The following NFX1 variants were observed in gnomAD, a reference collection of about 807,000 sequenced individuals.
NFX1 encodes the protein transcriptional repressor NF-X1.
Under a neutral mutation model 137.2 loss-of-function variants are expected in NFX1, and 69 were observed. The observed-to-expected ratio is 0.50, with a 90% CI of 0.41 to 0.61. NFX1 has a LOEUF of 0.61. Ranked by LOEUF, NFX1 falls within the 20% of genes least tolerant of loss-of-function variation. The probability of loss-of-function intolerance (pLI) is 0.00; values close to 1 mark genes in which losing one functional copy is unlikely to be tolerated. For missense variants in NFX1, 1,167 were observed against 1,391.0 expected (o/e 0.84, Z 2.56); for synonymous variants, 495 against 474.1 (o/e 1.04, Z -0.57).
Position 33,332,486 on chromosome 9 carries a change from C to T in NFX1, c.2019C>T (p.Thr673=). 6.3e-7 allele frequency: 1 copy of T among 1,586,412 alleles called. No individual in the cohort carries two copies. The highest frequency in any genetic ancestry group is 8.6e-7 in the Non-Finnish European group (1 of 1,163,398). Residue 673 remains threonine (T), a synonymous_variant, in exon 11 of 24, where the codon ACC becomes ACT. Transcript: ENST00000379540. Reference sequence around the variant, plus strand: ...TTTTTCCATAGGAGCTTCCATGTACCAGTCTCAAAAGTGAAGGTATGACTG... The same window carrying T: ...TTTTTCCATAGGAGCTTCCATGTACTAGTCTCAAAAGTGAAGGTATGACTG... The part of the protein sequence containing the change: ...CSFRTKELPC[T]SLKSEDATFM...
At chr9:33,320,855 A>T (rs1178142926) in intron 9 of NFX1, among the ~76,000 whole-genome samples, 1 of 152,214 alleles carries the variant, frequency 6.6e-6, no homozygotes, top group Non-Finnish European at 1.5e-5. Flanking sequence ...GAGAGAGTTC[A>T]CATTTCTTTC....
chr9:33,364,748 G>A lies in NFX1; in HGVS notation c.3013G>A (p.Glu1005Lys), dbSNP rs1564151927. The change falls in exon 21 of 24, where the codon GAA (glutamate) becomes AAA (lysine). Residue 1005 changes from glutamate (E) to lysine (K), a missense_variant. Transcript: ENST00000379540. ...TGTCAGTGACGTTGAGAAGGAAATG[G>A]AAACCCTCGTGGAGGCCGTGAATAA... ...KFVSDVEKEM[E>K]TLVEAVNKGK... is the part of the protein sequence containing the mutation. 1.9e-6 allele frequency: 3 copies of A among 1,613,834 alleles called. No homozygotes were observed. Among genetic ancestry groups the A allele is most frequent in the Non-Finnish European group, 2.5e-6 (3 of 1,179,926 alleles).
intron 6 of NFX1, among the ~76,000 whole-genome samples, chr9:33,313,317 G>A (rs1416096670): frequency 6.6e-6 from 1 of 151,972 alleles, no homozygotes; most frequent in Non-Finnish European, 1.5e-5. Flanking sequence ...GGCCGGGCGT[G>A]GTGGCTCAAG....
rs139574808 is a variant in NFX1 at position 33,319,104 on chromosome 9, A to G, written c.1883A>G (p.Lys628Arg). The change falls in exon 9 of 24, where the codon AAG becomes AGG. Residue 628 changes from lysine to arginine, a missense_variant. Lys to Arg is a conservative substitution (Grantham distance 26, BLOSUM62 2). Around this residue, in one of 3 missense-constraint regions of NFX1, gnomAD observed 488 missense variants for 691.5 expected, o/e 0.71. Coordinates refer to ENST00000379540, the MANE Select transcript of NFX1 (RefSeq NM_002504.6). The part of the protein sequence containing the change: ...PVPSCGKVCG[K>R]PLPCGSLDFI... ...CCTTCATGTGGAAAAGTGTGCGGCA[A>G]GCCTCTGCCTTGTGGTTCCTTAGGT... 3.1e-6 allele frequency: 5 copies of G among 1,614,258 alleles called. No homozygotes were observed. In the Admixed American group the frequency reaches 6.7e-5, roughly 22 times the overall value.
chr9:33,305,179 A>G (rs1190097993), intron 4 of NFX1, among the ~76,000 whole-genome samples: 1 of 152,240 alleles, frequency 6.6e-6, no homozygotes, highest in African/African-American at 2.4e-5. Context: ...AAGAGTTAAA[A>G]CACAATTAGC....
At chr9:33,317,077 C>T (rs1205388583) in intron 7 of NFX1, among the ~76,000 whole-genome samples, 1 of 152,048 alleles carries the variant, frequency 6.6e-6, no homozygotes, top group African/African-American at 2.4e-5. Context: ...ATTAATTTAT[C>T]AAATCAGTCT....
chr9:33,295,456 G>A (rs751530598), intron 2 of NFX1, 29 bp downstream of exon 2: 1 of 1,565,836 alleles, frequency 6.4e-7, no homozygotes, highest in Non-Finnish European at 8.6e-7. Flanking sequence ...GAAATATTTT[G>A]TTGTCTTTTT....
chr9:33,330,953 C>T (rs188789547), intron 10 of NFX1, among the ~76,000 whole-genome samples: 201 of 151,884 alleles, frequency 1.3e-3, no homozygotes, highest in African/African-American at 4.5e-3. Context: ...CTGAGGTGGG[C>T]GGATCATGAG....
chr9:33,356,097 C>G (rs1286203694), intron 19 of NFX1, among the ~76,000 whole-genome samples: 1 of 152,242 alleles, frequency 6.6e-6, no homozygotes, highest in East Asian at 1.9e-4. Context: ...TACACTCCCA[C>G]CAGCTAAGGA....
chr9:33,315,891 C>CAA (rs11394022), intron 7 of NFX1, among the ~76,000 whole-genome samples: 86,183 of 147,342 alleles, frequency 0.58, 30,430 homozygotes, highest in Non-Finnish European at 0.76. Context: ...ACCTCTGTCT[C>CAA]AAAAAAAAAA....
intron 15 of NFX1, among the ~76,000 whole-genome samples, chr9:33,350,849 T>G (rs1216853507): frequency 6.6e-6 from 1 of 152,184 alleles, no homozygotes; most frequent in African/African-American, 2.4e-5. Context: ...ATAATAATCC[T>G]TATTTTAAAA....
chr9:33,318,722 C>T lies in NFX1; in HGVS notation c.1589-9C>T, dbSNP rs1304899995. 1.2e-6 allele frequency: 2 copies of T among 1,611,886 alleles called. No homozygotes were observed. Among genetic ancestry groups the T allele is most frequent in the Non-Finnish European group, 1.7e-6 (2 of 1,178,994 alleles). On this transcript the variant is annotated splice_polypyrimidine_tract_variant and intron_variant, in intron 7 of 23. Coordinates refer to ENST00000379540, the MANE Select transcript of NFX1 (RefSeq NM_002504.6). The stretch of plus-strand genomic sequence containing the variant: ...ACTAACGTTTTGTTTTTGAAATTTT[C>T]TCTTCAAGTATGCTATTGCGGCAGC...
At chr9:33,333,004 C>G (rs557154609) in intron 11 of NFX1, among the ~76,000 whole-genome samples, 56 of 152,322 alleles carry the variant, frequency 3.7e-4, no homozygotes, top group African/African-American at 1.3e-3. Flanking sequence ...CACCACTACA[C>G]CTGGCTGATT....
chr9:33,332,306 T>C (rs1046104662), intron 10 of NFX1, among the ~76,000 whole-genome samples, 166 bp from the exon 11 acceptor site: 3 of 152,202 alleles, frequency 2.0e-5, no homozygotes, highest in East Asian at 3.8e-4. Context: ...CTCATTCATA[T>C]AGGGATTAGG....
intron 1 of NFX1, among the ~76,000 whole-genome samples, chr9:33,291,697 A>T (rs1187199465): frequency 1.3e-5 from 2 of 152,182 alleles, no homozygotes; most frequent in Admixed American, 6.5e-5. Flanking sequence ...AGGTCAGGAG[A>T]TCGAGACCAT....
chr9:33,346,439 A>G (rs1362224840), intron 14 of NFX1, among the ~76,000 whole-genome samples: 1 of 152,178 alleles, frequency 6.6e-6, no homozygotes, highest in Non-Finnish European at 1.5e-5. Flanking sequence ...CTCCGAGAGG[A>G]GGAGGACAGT....
chr9:33,363,945 C>T (rs75063899), intron 19 of NFX1, 65 bp from the exon 20 acceptor site: 22,246 of 1,054,224 alleles, frequency 0.021, 290 homozygotes, highest in Non-Finnish European at 0.025. Flanking sequence ...AGTAGGCACT[C>T]GGGGTTACTG....
intron 4 of NFX1, among the ~76,000 whole-genome samples, chr9:33,306,982 A>G (rs1453772619): frequency 6.6e-6 from 1 of 152,206 alleles, no homozygotes; most frequent in African/African-American, 2.4e-5. Flanking sequence ...TTCCCAGGTA[A>G]TCCAAGATTT....
In NFX1 at chr9:33,313,804, G is replaced by A; in HGVS notation, c.1588+11G>A. On this transcript the variant is annotated intron_variant, in intron 7 of 23. Coordinates refer to ENST00000379540, the MANE Select transcript of NFX1 (RefSeq NM_002504.6). ...TCATTTTGAACCAGGGTAAGTGGTG[G>A]GCACACCAGCTAGCAATGCTTGTGT... 1 of 1,609,666 alleles carries A rather than the reference G, an allele frequency of 6.2e-7. No homozygotes were observed. Among genetic ancestry groups the A allele is most frequent in the South Asian group, 1.1e-5 (1 of 90,950 alleles).
Sources: gnomAD v4.1 joint callset for allele counts (sites outside exome capture counted in the v4.1 genomes callset) on GRCh38, gnomAD v4.1.1 for gene constraint, gnomAD v4.1.1 regional missense constraint, MANE v1.5 for transcripts, NCBI Gene and HGNC (gene_info 2026-07-23, HGNC 2026-07-21) for gene names.